The following DCC variants were observed in gnomAD, a reference collection of about 807,000 sequenced individuals.
The protein encoded by DCC is netrin receptor DCC.
DCC carries 58 observed loss-of-function variants against 172.5 expected under a neutral mutation model. The observed-to-expected ratio is 0.34, with a 90% CI of 0.27 to 0.42. The LOEUF (loss-of-function observed/expected upper bound fraction) is 0.42, where lower values mean the gene tolerates loss of function less well. Ranked by LOEUF, DCC falls within the 10% of genes least tolerant of loss-of-function variation. DCC has a pLI of 1.00. For missense variants in DCC, 1,740 were observed against 1,791.0 expected, an observed-to-expected ratio of 0.97 and a Z score of 0.51; for synonymous variants, 709 against 644.5, an observed-to-expected ratio of 1.10 and a Z score of -1.52.
chr18:52,987,267 A>G (rs747866351), intron 5 of DCC, among the ~76,000 whole-genome samples: 7 of 152,310 alleles, frequency 4.6e-5, no homozygotes, highest in South Asian at 4.1e-4. Flanking sequence ...GCTCTGTCCC[A>G]ACAGCCCATG....
At chr18:52,977,614 A>G (rs2041139362) in intron 5 of DCC, among the ~76,000 whole-genome samples, 1 of 152,146 alleles carries the variant, frequency 6.6e-6, no homozygotes, top group Non-Finnish European at 1.5e-5. Flanking sequence ...GGCCGGGCGC[A>G]GTGGCTCATG....
At chr18:52,400,427 TAAA>T (rs1986390114) in intron 1 of DCC, among the ~76,000 whole-genome samples, 1 of 152,030 alleles carries the variant, frequency 6.6e-6, no homozygotes, top group Non-Finnish European at 1.5e-5. Context: ...TGGCGATTAT[TAAA>T]AAGTCAGGAA....
At chr18:52,926,184 C>G (rs1381138379) in intron 5 of DCC, among the ~76,000 whole-genome samples, 1 of 151,742 alleles carries the variant, frequency 6.6e-6, no homozygotes, top group Non-Finnish European at 1.5e-5. Flanking sequence ...AAATCATAGT[C>G]TATTTAAAAG....
At chr18:53,475,858 A>T (rs572499061) in intron 25 of DCC, among the ~76,000 whole-genome samples, 128 of 152,306 alleles carry the variant, frequency 8.4e-4, no homozygotes, top group African/African-American at 2.8e-3. Context: ...GAAGAGCTGC[A>T]GACACTCAAT....
At chr18:52,604,230 C>T (rs1328725520) in intron 1 of DCC, among the ~76,000 whole-genome samples, 1 of 152,104 alleles carries the variant, frequency 6.6e-6, no homozygotes, top group Non-Finnish European at 1.5e-5. Flanking sequence ...ATCAATCTGA[C>T]CAAATGTCTC....
intron 2 of DCC, among the ~76,000 whole-genome samples, chr18:52,838,228 G>T (rs567733040): frequency 6.6e-6 from 1 of 152,156 alleles, no homozygotes; most frequent in South Asian, 2.1e-4. Flanking sequence ...TTTATTTGAG[G>T]CTTTAGAGGG....
chr18:53,339,677 T>C (rs1173814791), intron 14 of DCC, 36 bp from the exon 15 acceptor site: 1 of 1,540,380 alleles, frequency 6.5e-7, no homozygotes, highest in South Asian at 1.1e-5. Context: ...TTTTCTGTTA[T>C]GAGACATGCT....
chr18:53,287,347 G>A (rs948232460), intron 12 of DCC, among the ~76,000 whole-genome samples: 2 of 152,114 alleles, frequency 1.3e-5, no homozygotes. Context: ...ATATTCCATT[G>A]TATGGATATA....
intron 2 of DCC, among the ~76,000 whole-genome samples, chr18:52,772,700 T>C (rs1451156557): frequency 2.6e-5 from 4 of 152,204 alleles, no homozygotes; most frequent in African/African-American, 9.6e-5. Flanking sequence ...CACAGTGCTT[T>C]TGTTTTTTAT....
chr18:53,161,270 G>T (rs1416807808), intron 8 of DCC, among the ~76,000 whole-genome samples: 4 of 152,162 alleles, frequency 2.6e-5, no homozygotes, highest in Non-Finnish European at 4.4e-5. Context: ...TAACCCAGTA[G>T]TCAATTCCTG....
Position 53,509,138 on chromosome 18 carries a change from C to G in DCC, c.4111+9628C>G, listed in dbSNP as rs932731054. Among the ~76,000 whole-genome samples the G allele has an allele frequency of 2.6e-5, 4 of 152,336 alleles. No homozygotes were observed. The East Asian group carries it at 7.7e-4, about 29-fold the overall frequency. On this transcript the variant is annotated intron_variant, in intron 27 of 28. Coordinates refer to ENST00000442544, the MANE Select transcript of DCC (RefSeq NM_005215.4). Reference sequence around the variant, plus strand: ...CCAGTTTAGCTATTCCCTGCACCAACTCTCTGCAAAGAGAATCAATAGCAA... The same window carrying G: ...CCAGTTTAGCTATTCCCTGCACCAAGTCTCTGCAAAGAGAATCAATAGCAA...
At chr18:52,996,772 CTTTT>C (rs66600556) in intron 5 of DCC, among the ~76,000 whole-genome samples, 3,493 of 117,208 alleles carry the variant, frequency 0.03, 28 homozygotes, top group Middle Eastern at 0.057. Flanking sequence ...TCACCTTTTT[CTTTT>C]TTTTTTTTTT....
intron 1 of DCC, among the ~76,000 whole-genome samples, chr18:52,354,956 G>A (rs17816215): frequency 0.34 from 51,186 of 151,990 alleles, 9,025 homozygotes; most frequent in East Asian, 0.51. Flanking sequence ...AGCAAAATGT[G>A]AATGTATAAA....
chr18:52,642,364 G>A (rs987919779), intron 1 of DCC, among the ~76,000 whole-genome samples: 2 of 151,870 alleles, frequency 1.3e-5, no homozygotes, highest in Non-Finnish European at 2.9e-5. Flanking sequence ...TAAAAATATG[G>A]TGCAGTGTAT....
intron 1 of DCC, among the ~76,000 whole-genome samples, chr18:52,515,470 A>T (rs376646682): frequency 6.6e-5 from 10 of 151,168 alleles, no homozygotes; most frequent in African/African-American, 2.4e-4. Context: ...ATCCGGGTGC[A>T]GTGGCAGGCG....
At chr18:52,463,639 A>G (rs544383082) in intron 1 of DCC, among the ~76,000 whole-genome samples, 1 of 152,184 alleles carries the variant, frequency 6.6e-6, no homozygotes, top group Non-Finnish European at 1.5e-5. Context: ...GCCTTTGATC[A>G]TAAGCATCAT....
At chr18:52,840,974 A>T (rs2038795565) in intron 2 of DCC, among the ~76,000 whole-genome samples, 1 of 149,128 alleles carries the variant, frequency 6.7e-6, no homozygotes. Flanking sequence ...GAAAAAAAAA[A>T]GCAGGAAAAT....
chr18:53,203,415 AC>A (rs2055575638), intron 9 of DCC, among the ~76,000 whole-genome samples: 1 of 152,030 alleles, frequency 6.6e-6, no homozygotes, highest in African/African-American at 2.4e-5. Flanking sequence ...AGGAAAAAAA[AC>A]ACAGTAATTT....
At position 53,428,170 on chromosome 18, in the gene DCC, A is replaced by G. The variant is rs1487421199; in HGVS notation, c.3164-6974A>G. Among the ~76,000 whole-genome samples the G allele has an allele frequency of 8.0e-5, 3 of 37,378 alleles. 1 individual carries two copies. The highest frequency in any genetic ancestry group is 5.1e-4 in the East Asian group (1 of 1,946). The allele number at this position is 37,378 out of a possible 152,430, so 24.5% of individuals were successfully genotyped here. On this transcript the variant is annotated intron_variant, in intron 21 of 28. Coordinates refer to ENST00000442544, the MANE Select transcript of DCC (RefSeq NM_005215.4). ...TATAATATATAATATAATAATATAT[A>G]ATATGTAATATATAATATAGAATAT...
Sources: allele counts gnomAD v4.1 joint callset (sites outside exome capture counted in the v4.1 genomes callset), GRCh38; gene constraint gnomAD v4.1.1; transcripts MANE v1.5; gene names NCBI Gene and HGNC (gene_info 2026-07-23, HGNC 2026-07-21).